CIITA: variants seen among roughly 807,000 people sequenced by gnomAD.
The protein encoded by CIITA is MHC class II transactivator.
Under a neutral mutation model 115.1 loss-of-function variants are expected in CIITA, and 72 were observed. The observed-to-expected ratio is 0.63, with a 90% confidence interval of 0.52 to 0.76. CIITA has a LOEUF of 0.76. Among genes scored for constraint, CIITA ranks in the 30% least tolerant of loss-of-function variants. The pLI is 0.00. For synonymous variants in CIITA, 763 were observed against 635.6 expected, an observed-to-expected ratio of 1.20 and a Z score of -3.02; for missense variants, 1,617 against 1,463.8, an observed-to-expected ratio of 1.10 and a Z score of -1.71.
chr16:10,882,729 C>T (rs1456844115), intron 1 of CIITA, among the ~76,000 whole-genome samples: 2 of 152,012 alleles, frequency 1.3e-5, no homozygotes, highest in Non-Finnish European at 2.9e-5. Context: ...GAAACACCGT[C>T]TCTCCTAAAA....
chr16:10,904,185 T>G (rs1284915811), intron 9 of CIITA, among the ~76,000 whole-genome samples: 1 of 152,110 alleles, frequency 6.6e-6, no homozygotes, highest in Non-Finnish European at 1.5e-5. Context: ...AAAACCCTGA[T>G]TTTTACATAG....
At chr16:10,916,776 T>G (rs1441515903) in intron 15 of CIITA, 1 of 438,738 alleles carries the variant, frequency 2.3e-6, no homozygotes, top group Non-Finnish European at 4.2e-6. Context: ...ACTTATGCAG[T>G]CATTTCTTTA....
At chr16:10,910,556 C>T (rs1567429536) in intron 13 of CIITA, among the ~76,000 whole-genome samples, 1 of 152,210 alleles carries the variant, frequency 6.6e-6, no homozygotes, top group African/African-American at 2.4e-5. Context: ...AGCTGACAGT[C>T]TAATCAACTC....
chr16:10,906,991 G>C lies in CIITA; in HGVS notation c.1499G>C (p.Gly500Ala), dbSNP rs4774. Residue 500 changes from glycine (G) to alanine (A), a missense_variant, in exon 11 of 20, where the codon GGC (glycine) becomes GCC (alanine). Gly to Ala is a moderately conservative substitution (Grantham distance 60). Coordinates refer to ENST00000324288, the MANE Select transcript of CIITA (RefSeq NM_000246.4). ...GACCGCGTTCTGCTCATCCTAGACG[G>C]CTTCGAGGAGCTGGAAGCGCAAGAT... ...RPDRVLLILD[G>A]FEELEAQDGF... 0.29 allele frequency: 461,937 copies of C among 1,610,818 alleles called. 68,025 individuals are homozygous for C. The highest frequency in any genetic ancestry group is 0.44 in the Admixed American group (26,153 of 60,012).
chr16:10,922,326 A>G, intron 17 of CIITA, 76 bp downstream of exon 17: 1 of 1,604,854 alleles, frequency 6.2e-7, no homozygotes, highest in Non-Finnish European at 8.5e-7. Flanking sequence ...GGTGTCCTGG[A>G]AGAGCTGGAT....
intron 8 of CIITA, 131 bp from the exon 9 acceptor site, chr16:10,903,600 C>T (rs2038935202): frequency 1.0e-6 from 1 of 969,938 alleles, no homozygotes; most frequent in South Asian, 1.4e-5. Context: ...AAATATCTTC[C>T]TTTGGAAGTT....
chr16:10,882,865 C>T (rs2036564352), intron 1 of CIITA, among the ~76,000 whole-genome samples: 1 of 152,142 alleles, frequency 6.6e-6, no homozygotes, highest in Admixed American at 6.5e-5. Context: ...CCATTGCACT[C>T]CAGCCTGGGC....
At chr16:10,870,779 G>T (rs1419599622) in intron 1 of CIITA, among the ~76,000 whole-genome samples, 1 of 152,216 alleles carries the variant, frequency 6.6e-6, no homozygotes, top group Non-Finnish European at 1.5e-5. Context: ...GAGATGGTAG[G>T]TAGAAACCTT....
At chr16:10,890,966 A>G (rs2037507817) in intron 1 of CIITA, among the ~76,000 whole-genome samples, 1 of 152,194 alleles carries the variant, frequency 6.6e-6, no homozygotes. Context: ...GTTGGTAGGT[A>G]GGGGTAGTCT....
At position 10,941,798 on chromosome 16, in the gene CIITA, G is replaced by T. The variant is rs745850724; in HGVS notation, n.924G>T. The T allele has an allele frequency of 4.3e-6, 7 of 1,613,576 alleles. No individual in the cohort carries two copies. Among genetic ancestry groups the T allele is most frequent in the Non-Finnish European group, 5.9e-6 (7 of 1,179,858 alleles). On this transcript the variant is annotated non_coding_transcript_exon_variant, in exon 2 of 2. Transcript: ENST00000573379. The surrounding 1 kb of genome is among the most constrained non-coding windows in gnomAD (Gnocchi z 6.4). Reference sequence around the variant, plus strand: ...GAGCCGGGGTCGGAGAGCACGCCGAGGTCCACGAGCGCCTGGTCCATGTCC... The same window carrying T: ...GAGCCGGGGTCGGAGAGCACGCCGATGTCCACGAGCGCCTGGTCCATGTCC...
rs202244966 is a variant in CIITA, at chr16:10,910,235, G to C, written c.2864G>C (p.Arg955Pro). ...ACAGCTGGGGAGCTCCCTGCTGTTC[G>C]GGACCTAAAGAAACTGGAGTTTGCG... is the stretch of plus-strand genomic sequence containing the variant. ...EDTAGELPAV[R>P]DLKKLEFALG... The change falls in exon 13 of 20, where the codon CGG becomes CCG. Residue 955 changes from arginine to proline, a missense_variant. Transcript: ENST00000324288. 1.2e-6 allele frequency: 2 copies of C among 1,613,942 alleles called. No homozygotes were observed. The highest frequency in any genetic ancestry group is 1.7e-6 in the Non-Finnish European group (2 of 1,179,948).
chr16:10,905,059 T>A (rs1258357549), intron 10 of CIITA, among the ~76,000 whole-genome samples: 1 of 152,224 alleles, frequency 6.6e-6, no homozygotes, highest in Non-Finnish European at 1.5e-5. Context: ...CACTTCATTG[T>A]CAGGCTGAGA....
chr16:10,910,311 G>A (rs770888194), intron 13 of CIITA, 52 bp downstream of exon 13: 1 of 1,463,402 alleles, frequency 6.8e-7, no homozygotes, highest in Non-Finnish European at 9.5e-7. Context: ...TTCCCCTGCA[G>A]CATTAGCTGG....
intron 9 of CIITA, among the ~76,000 whole-genome samples, chr16:10,904,162 T>A (rs892460926): frequency 6.6e-6 from 1 of 152,144 alleles, no homozygotes; most frequent in Non-Finnish European, 1.5e-5. Context: ...TGTGGTCAGA[T>A]CTTTTGAAGT....
intron 1 of CIITA, among the ~76,000 whole-genome samples, chr16:10,867,004 G>C (rs1020763676): frequency 2.0e-5 from 3 of 152,214 alleles, no homozygotes; most frequent in African/African-American, 7.2e-5. Flanking sequence ...CCAGCATTTT[G>C]GGAGGCCAAG....
upstream of CIITA, among the ~76,000 whole-genome samples, chr16:10,873,956 G>A (rs1008296103): frequency 6.6e-6 from 1 of 152,052 alleles, no homozygotes; most frequent in Non-Finnish European, 1.5e-5. Flanking sequence ...TGTTGTTGCT[G>A]TTGTTGTGTT....
At chr16:10,899,037 G>C in intron 5 of CIITA, 35 bp downstream of exon 5, 1 of 1,603,460 alleles carries the variant, frequency 6.2e-7, no homozygotes, top group Non-Finnish European at 8.5e-7. Context: ...ACCTAGCCTT[G>C]CTTGAGACCT....
intron 14 of CIITA, among the ~76,000 whole-genome samples, chr16:10,916,112 G>A (rs1320277978): frequency 1.3e-5 from 2 of 152,246 alleles, no homozygotes; most frequent in African/African-American, 4.8e-5. Context: ...AGCCTCAGGG[G>A]CTTAGTTCCT....
chr16:10,887,647 C>T (rs2037094710), intron 1 of CIITA, among the ~76,000 whole-genome samples: 1 of 152,272 alleles, frequency 6.6e-6, no homozygotes, highest in African/African-American at 2.4e-5. Context: ...AGGCACCCAC[C>T]ACCACGCCCA....
Sources: gnomAD v4.1 joint callset for allele counts (sites outside exome capture counted in the v4.1 genomes callset) on GRCh38, gnomAD v4.1.1 for gene constraint, Gnocchi (gnomAD v3.1) non-coding constraint, MANE v1.5 for transcripts, NCBI Gene and HGNC (gene_info 2026-07-23, HGNC 2026-07-21) for gene names.